CORIN: variants seen among roughly 807,000 people sequenced by gnomAD.
The protein encoded by CORIN is corin, serine peptidase.
A neutral mutation model predicts 125.3 loss-of-function variants in CORIN; 117 were observed. The observed-to-expected ratio is 0.93, with a 90% CI of 0.80 to 1.09. The LOEUF is 1.09. CORIN is among the 50% of genes least tolerant of loss of function. The pLI, the probability that CORIN is intolerant of heterozygous loss-of-function variation, is 0.00. For missense variants in CORIN, 1,253 were observed against 1,306.7 expected (o/e 0.96, Z 0.63); for synonymous variants, 450 against 466.4 (o/e 0.96, Z 0.45).
chr4:47,646,492 C>A (rs974064002), intron 13 of CORIN, among the ~76,000 whole-genome samples: 1 of 152,138 alleles, frequency 6.6e-6, no homozygotes, highest in Admixed American at 6.5e-5. Context: ...TAATAAATGC[C>A]ATTGATGATT....
At chr4:47,761,480 T>TACACACACACACACACACACAC (rs142904418) in intron 4 of CORIN, among the ~76,000 whole-genome samples, 4 of 144,410 alleles carry the variant, frequency 2.8e-5, no homozygotes, top group African/African-American at 1.0e-4. Flanking sequence ...GAAAATGTGA[T>TACACACACACACACACACACAC]ACACACACAC....
At position 47,744,645 on chromosome 4, in the gene CORIN, T is replaced by C. The variant is rs540970590; in HGVS notation, c.618-62A>G. The C allele has an allele frequency of 4.9e-6, 7 of 1,442,794 alleles. No homozygotes were observed. In the South Asian group the frequency reaches 6.9e-5, roughly 14 times the overall value. 89.4% of individuals were successfully genotyped at this position (1,442,794 alleles called of 1,614,324 possible). ...CTTTACAGAATAGGTTTTGAAATAA[T>C]AGTGAAATTAAAGTTAGCCCCTGTG... On this transcript the variant is annotated intron_variant, in intron 4 of 21. Coordinates refer to ENST00000273857, the MANE Select transcript of CORIN (RefSeq NM_006587.4).
At chr4:47,628,878 T>C (rs1722692693) in intron 16 of CORIN, among the ~76,000 whole-genome samples, 1 of 152,180 alleles carries the variant, frequency 6.6e-6, no homozygotes, top group African/African-American at 2.4e-5. Context: ...TTCTATTGTA[T>C]AAAGAAATAT....
At chr4:47,632,725 TGATAGATAGATAGATAGATA>T (rs1553905875) in intron 16 of CORIN, among the ~76,000 whole-genome samples, 2 of 126,658 alleles carry the variant, frequency 1.6e-5, no homozygotes, top group Non-Finnish European at 3.3e-5. Flanking sequence ...TGACAATAGA[TGATAGATAGATAGATAGATA>T]GATAGATAGA....
At chr4:47,659,838 G>A (rs1297204198) in intron 12 of CORIN, among the ~76,000 whole-genome samples, 1 of 152,084 alleles carries the variant, frequency 6.6e-6, no homozygotes, top group Non-Finnish European at 1.5e-5. Context: ...ACAGAAATGG[G>A]AAAAAAGTCC....
intron 19 of CORIN, among the ~76,000 whole-genome samples, chr4:47,618,736 A>G (rs555440296): frequency 2.0e-5 from 3 of 151,770 alleles, no homozygotes; most frequent in South Asian, 2.1e-4. Context: ...GGAGAATGGC[A>G]TGAACCCAGG....
intron 13 of CORIN, 36 bp from the exon 14 acceptor site, chr4:47,645,230 T>C (rs369344363): frequency 6.4e-5 from 78 of 1,210,000 alleles, no homozygotes; most frequent in Non-Finnish European, 9.3e-5. Flanking sequence ...GCAATAGACG[T>C]GGAATTGAAA....
chr4:47,598,112 G>T (rs1216749917), intron 21 of CORIN, among the ~76,000 whole-genome samples: 1 of 152,120 alleles, frequency 6.6e-6, no homozygotes, highest in African/African-American at 2.4e-5. Flanking sequence ...AACTGATCTG[G>T]TCTGTTCTTT....
chr4:47,716,727 C>T (rs1727107753), intron 5 of CORIN, among the ~76,000 whole-genome samples: 1 of 152,092 alleles, frequency 6.6e-6, no homozygotes, highest in Non-Finnish European at 1.5e-5. Context: ...AATCCAGCTA[C>T]AAGAAAATTT....
intron 19 of CORIN, among the ~76,000 whole-genome samples, chr4:47,619,383 C>G (rs1722211468): frequency 6.6e-6 from 1 of 152,138 alleles, no homozygotes; most frequent in Non-Finnish European, 1.5e-5. Flanking sequence ...TGAAGTAAAT[C>G]CCATTAATTG....
chr4:47,775,980 C>T (rs1360898858), intron 3 of CORIN, among the ~76,000 whole-genome samples: 1 of 150,392 alleles, frequency 6.6e-6, no homozygotes, highest in East Asian at 2.0e-4. Context: ...TCAACTTCAA[C>T]CTCCCAGGCT....
At chr4:47,794,339 G>A (rs540318562) in intron 2 of CORIN, among the ~76,000 whole-genome samples, 43 of 152,160 alleles carry the variant, frequency 2.8e-4, no homozygotes, top group African/African-American at 1.0e-3. Context: ...GAGGAGAAAG[G>A]TCATTTCTGA....
intron 5 of CORIN, among the ~76,000 whole-genome samples, chr4:47,719,774 A>G (rs1727263775): frequency 6.6e-6 from 1 of 152,226 alleles, no homozygotes; most frequent in East Asian, 1.9e-4. Context: ...GAAAAGAATA[A>G]TATTTCATAA....
chr4:47,621,185 G>C (rs1722295350), intron 19 of CORIN, among the ~76,000 whole-genome samples: 1 of 152,192 alleles, frequency 6.6e-6, no homozygotes, highest in Non-Finnish European at 1.5e-5. Context: ...GCCTGTGACT[G>C]ATGGCTCTGG....
chr4:47,750,124 G>A (rs1027456063), intron 4 of CORIN, among the ~76,000 whole-genome samples: 1 of 152,140 alleles, frequency 6.6e-6, no homozygotes, highest in Non-Finnish European at 1.5e-5. Context: ...TAGATGGCTT[G>A]TTCTCCCTAT....
At chr4:47,647,643 G>A (rs1723546715) in intron 13 of CORIN, among the ~76,000 whole-genome samples, 1 of 152,128 alleles carries the variant, frequency 6.6e-6, no homozygotes, top group South Asian at 2.1e-4. Context: ...TTATAAGTGA[G>A]GAAACTAACA....
intron 4 of CORIN, among the ~76,000 whole-genome samples, chr4:47,752,666 C>T (rs1031615379): frequency 6.6e-6 from 1 of 152,032 alleles, no homozygotes; most frequent in Admixed American, 6.6e-5. Flanking sequence ...GCAGTGTGTC[C>T]CTCTTAAAAT....
chr4:47,661,698 T>G lies in CORIN; in HGVS notation c.1735+13A>C, dbSNP rs1473966780. Reference sequence around the variant, plus strand: ...ATGTTAGATACCCTGCTGTAATTAATTTTAAAATTAACCTTCCACATATTC... The same window carrying G: ...ATGTTAGATACCCTGCTGTAATTAAGTTTAAAATTAACCTTCCACATATTC... On this transcript the variant is annotated intron_variant, in intron 12 of 21. Coordinates refer to ENST00000273857, the MANE Select transcript of CORIN (RefSeq NM_006587.4). 6.2e-7 allele frequency: 1 copy of G among 1,600,960 alleles called. No homozygotes were observed. Among genetic ancestry groups the G allele is most frequent in the South Asian group, 1.1e-5 (1 of 89,494 alleles).
At chr4:47,708,804 G>A (rs546531010) in intron 5 of CORIN, among the ~76,000 whole-genome samples, 3 of 152,270 alleles carry the variant, frequency 2.0e-5, no homozygotes, top group South Asian at 4.1e-4. Context: ...CTCCTACAGC[G>A]AGGAGCCAAG....
Sources: allele counts gnomAD v4.1 joint callset (sites outside exome capture counted in the v4.1 genomes callset), GRCh38; gene constraint gnomAD v4.1.1; transcripts MANE v1.5; gene names NCBI Gene and HGNC (gene_info 2026-07-23, HGNC 2026-07-21).